The following SCLT1 variants were observed in gnomAD, a reference collection of about 807,000 sequenced individuals.
SCLT1 encodes the protein sodium channel-associated protein 1.
SCLT1 carries 78 observed loss-of-function variants against 112.8 expected under a neutral mutation model. That is an observed-to-expected ratio of 0.69 (90% CI 0.58 to 0.83). The LOEUF (loss-of-function observed/expected upper bound fraction) is 0.83, where lower values mean the gene tolerates loss of function less well. SCLT1 is among the 40% of genes least tolerant of loss of function. SCLT1 has a pLI of 0.00. For missense variants in SCLT1, 747 were observed against 770.4 expected, an observed-to-expected ratio of 0.97 and a Z score of 0.36; for synonymous variants, 257 against 254.7, an observed-to-expected ratio of 1.01 and a Z score of -0.09.
At chr4:128,907,974 A>T (rs2125942689) in intron 18 of SCLT1, among the ~76,000 whole-genome samples, 1 of 152,360 alleles carries the variant, frequency 6.6e-6, no homozygotes, top group East Asian at 1.9e-4. Flanking sequence ...CATCTTGGAC[A>T]CTTTAATTAA....
chr4:128,903,421 T>TTTCTAATTTTCTAAAATTAGAAAAG (rs1156486688), intron 18 of SCLT1, among the ~76,000 whole-genome samples: 12 of 152,304 alleles, frequency 7.9e-5, no homozygotes, highest in African/African-American at 2.4e-4. Flanking sequence ...TATGGCTAAA[T>TTTCTAATTTTCTAAAATTAGAAAAG]TTCTAATTTT....
chr4:129,001,467 T>G (rs1743479048), intron 6 of SCLT1, among the ~76,000 whole-genome samples: 1 of 152,112 alleles, frequency 6.6e-6, no homozygotes, highest in Admixed American at 6.6e-5. Context: ...TGATTCCATA[T>G]TTAAGATTTT....
In SCLT1 at chr4:129,002,030, A is replaced by G. The variant is rs1743536756; in HGVS notation, c.426+1711T>C. ...ATTAAAAAAAATTAGTGTTAAATAC[A>G]TGTTCCTTATCAAGCTAAATATAGC... On this transcript the variant is annotated intron_variant, in intron 6 of 20. Transcript: ENST00000281142. Among the ~76,000 whole-genome samples, 3 of 152,018 alleles carry G rather than the reference A, an allele frequency of 2.0e-5. No homozygotes were observed. In the South Asian group the frequency reaches 6.2e-4, roughly 31 times the overall value.
rs190245423 is a variant in SCLT1 at position 128,939,255 on chromosome 4, G to C, written c.1633-2404C>G. ...GTTCTTTTCACATGCTGTTTCTTTTGCCTGAAATAATCTCTTTCTGCTTAC... is the reference window on the plus strand; with the variant it reads ...GTTCTTTTCACATGCTGTTTCTTTTCCCTGAAATAATCTCTTTCTGCTTAC... On this transcript the variant is annotated intron_variant, in intron 17 of 20. Coordinates refer to ENST00000281142, the MANE Select transcript of SCLT1 (RefSeq NM_144643.4). 4.9e-3 allele frequency among the ~76,000 whole-genome samples: 746 copies of C among 151,876 alleles called. 12 individuals carry two copies. The highest frequency in any genetic ancestry group is 0.043 in the Admixed American group (657 of 15,260).
intron 8 of SCLT1, among the ~76,000 whole-genome samples, chr4:128,996,837 A>G (rs1217185654): frequency 4.6e-5 from 7 of 151,984 alleles, no homozygotes; most frequent in Non-Finnish European, 7.4e-5. Flanking sequence ...TCCTTTTCCC[A>G]TGACTTTCTT....
intron 2 of SCLT1, among the ~76,000 whole-genome samples, chr4:129,064,912 G>A (rs1314544160): frequency 2.6e-5 from 4 of 151,970 alleles, no homozygotes; most frequent in Admixed American, 6.6e-5. Context: ...GTCAATTTTG[G>A]CAACTGCTCC....
chr4:128,880,532 A>G (rs1213297162), downstream of SCLT1, among the ~76,000 whole-genome samples: 2 of 152,198 alleles, frequency 1.3e-5, no homozygotes, highest in Non-Finnish European at 2.9e-5. Context: ...TAAATTTAAT[A>G]GGGATAAATA....
chr4:129,067,588 G>C (rs1179662786), intron 2 of SCLT1, among the ~76,000 whole-genome samples: 1 of 152,022 alleles, frequency 6.6e-6, no homozygotes, highest in South Asian at 2.1e-4. Flanking sequence ...TCAGCTTACT[G>C]CAACAGCCAC....
At chr4:129,035,821 G>A (rs191143552) in intron 5 of SCLT1, among the ~76,000 whole-genome samples, 2 of 151,284 alleles carry the variant, frequency 1.3e-5, no homozygotes, top group East Asian at 3.9e-4. Context: ...AAAATGGAAG[G>A]GAGCATGATA....
chr4:129,092,206 C>A (rs1447326766), intron 1 of SCLT1, among the ~76,000 whole-genome samples: 1 of 152,214 alleles, frequency 6.6e-6, no homozygotes, highest in African/African-American at 2.4e-5. Context: ...AAGACAGGGC[C>A]CTTCACCATC....
At chr4:129,003,146 A>C (rs570919390) in intron 6 of SCLT1, among the ~76,000 whole-genome samples, 1 of 152,278 alleles carries the variant, frequency 6.6e-6, no homozygotes, top group East Asian at 1.9e-4. Context: ...GACATGGATG[A>C]AGCTGGAAAC....
chr4:128,907,608 A>G (rs1734785460), intron 18 of SCLT1, among the ~76,000 whole-genome samples: 1 of 152,226 alleles, frequency 6.6e-6, no homozygotes, highest in Non-Finnish European at 1.5e-5. Context: ...AGTTTGAAGT[A>G]CATATGAAAA....
downstream of SCLT1, among the ~76,000 whole-genome samples, chr4:128,879,102 A>G (rs141827412): frequency 3.1e-3 from 477 of 151,982 alleles, 8 homozygotes; most frequent in East Asian, 0.077. Context: ...CATTGTGCAC[A>G]TGTACCCTAG....
At chr4:128,879,946 A>G (rs1404813943), downstream of SCLT1, among the ~76,000 whole-genome samples, 1 of 152,222 alleles carries the variant, frequency 6.6e-6, no homozygotes, top group Admixed American at 6.5e-5. Context: ...GAATGAAAAC[A>G]TTGAACGAAA....
chr4:128,975,585 A>G (rs1741098835), intron 9 of SCLT1, among the ~76,000 whole-genome samples: 1 of 152,192 alleles, frequency 6.6e-6, no homozygotes, highest in South Asian at 2.1e-4. Flanking sequence ...TTTTTTGCAT[A>G]CAGTGAAAAA....
intron 18 of SCLT1, among the ~76,000 whole-genome samples, chr4:128,921,847 G>C (rs544419716): frequency 1.3e-5 from 2 of 152,200 alleles, no homozygotes; most frequent in African/African-American, 4.8e-5. Context: ...AATATCAACA[G>C]AGTAAATAGA....
intron 10 of SCLT1, among the ~76,000 whole-genome samples, chr4:128,966,940 A>G (rs1042241729): frequency 3.3e-5 from 5 of 151,204 alleles, no homozygotes; most frequent in Non-Finnish European, 5.9e-5. Flanking sequence ...GGTTTGGTAT[A>G]CCGATTATTT....
At chr4:128,898,231 C>T (rs541136195) in intron 18 of SCLT1, among the ~76,000 whole-genome samples, 8 of 152,320 alleles carry the variant, frequency 5.3e-5, no homozygotes, top group Non-Finnish European at 1.0e-4. Context: ...TTCTTCTCAG[C>T]ACCACACTGC....
At chr4:128,915,142 T>A (rs940299301) in intron 18 of SCLT1, among the ~76,000 whole-genome samples, 1 of 152,234 alleles carries the variant, frequency 6.6e-6, no homozygotes, top group Non-Finnish European at 1.5e-5. Flanking sequence ...TACTATAGAC[T>A]GTTATGCTTA....
Sources: allele counts gnomAD v4.1 joint callset (sites outside exome capture counted in the v4.1 genomes callset), GRCh38; gene constraint gnomAD v4.1.1; transcripts MANE v1.5; gene names NCBI Gene and HGNC (gene_info 2026-07-23, HGNC 2026-07-21).